The following DOCK8 variants were observed in gnomAD, a reference collection of about 807,000 sequenced individuals.
DOCK8 encodes the protein dedicator of cytokinesis 8.
A neutral mutation model predicts 245.6 loss-of-function variants in DOCK8; 141 were observed. The ratio of observed to expected loss-of-function variants is 0.57; its 90% CI spans 0.50 to 0.66. DOCK8 has a LOEUF of 0.66. Ranked by LOEUF, DOCK8 falls within the 30% of genes least tolerant of loss-of-function variation. The pLI, the probability that DOCK8 is intolerant of heterozygous loss-of-function variation, is 0.00. For missense variants in DOCK8, 2,965 were observed against 2,603.4 expected, an observed-to-expected ratio of 1.14 and a Z score of -3.02; for synonymous variants, 1,168 against 970.2, an observed-to-expected ratio of 1.20 and a Z score of -3.79.
In DOCK8 at chr9:441,406, A is replaced by G. The variant is rs1267531154; in HGVS notation, c.5344A>G (p.Ile1782Val). 3.7e-6 allele frequency: 6 copies of G among 1,614,220 alleles called. No homozygotes were observed. In the South Asian group the frequency reaches 5.5e-5, roughly 15 times the overall value. Residue 1782 changes from isoleucine (I) to valine (V), a missense_variant, in exon 41 of 48, where the codon ATC becomes GTC. By Grantham distance (29) the Ile-to-Val change is conservative. This residue lies in a region of DOCK8 where 2,825 missense variants were observed against 2,453.5 expected (regional missense o/e 1.15). Coordinates refer to ENST00000432829, the MANE Select transcript of DOCK8 (RefSeq NM_203447.4). ...HSKLQRAFDS[I>V]VNKDHKRMFG... ...CAAGCTGCAGAGAGCCTTCGACAGC[A>G]TCGTTAACAAGGTAGCCGGGGAGCC...
intron 45 of DOCK8, among the ~76,000 whole-genome samples, chr9:450,658 C>T (rs1208139222): frequency 6.6e-6 from 1 of 151,952 alleles, no homozygotes; most frequent in Non-Finnish European, 1.5e-5. Flanking sequence ...CACAAAAGTT[C>T]TGAGTGTACT....
intron 1 of DOCK8, among the ~76,000 whole-genome samples, chr9:230,315 G>A (rs1455184354): frequency 6.6e-6 from 1 of 151,922 alleles, no homozygotes; most frequent in African/African-American, 2.4e-5. Context: ...GGGCATTTGG[G>A]TTGGTTCCAA....
chr9:407,070 G>T lies in DOCK8; in HGVS notation c.3530+1G>T. On this transcript the variant is annotated splice_donor_variant, in intron 28 of 47. Coordinates refer to ENST00000432829, the MANE Select transcript of DOCK8 (RefSeq NM_203447.4). LOFTEE classifies it high-confidence loss of function. ...CTGCCCTGGATGCCGAAGGGGAAGG[G>T]TATGTTTCTGGCATTTAAAATGGAA... The T allele has an allele frequency of 6.2e-7, 1 of 1,614,026 alleles. No individual in the cohort carries two copies. The highest frequency in any genetic ancestry group is 2.2e-5 in the East Asian group (1 of 44,888).
intron 2 of DOCK8, among the ~76,000 whole-genome samples, chr9:281,682 A>G (rs2048593697): frequency 6.6e-6 from 1 of 150,556 alleles, no homozygotes; most frequent in Admixed American, 6.6e-5. Flanking sequence ...GCCTCATAGT[A>G]AAGCCTACTC....
chr9:388,534 G>A (rs531137584), intron 23 of DOCK8, among the ~76,000 whole-genome samples: 2 of 151,662 alleles, frequency 1.3e-5, no homozygotes, highest in East Asian at 1.9e-4. Flanking sequence ...GGTTGCATGC[G>A]TACTGGACTC....
intron 1 of DOCK8, among the ~76,000 whole-genome samples, chr9:250,600 T>G (rs763493770): frequency 3.3e-5 from 5 of 152,166 alleles, no homozygotes; most frequent in Non-Finnish European, 1.5e-5. Context: ...CCTTCCACAC[T>G]CAATTCCAAA....
At position 339,020 on chromosome 9, in the gene DOCK8, T is replaced by C; in HGVS notation, c.1437T>C (p.Leu479=). The change falls in exon 13 of 48, where the codon CTT becomes CTC. Residue 479 remains leucine, a synonymous_variant. Transcript: ENST00000432829. ...TCTCTTGGCAGGAAGGAGATCGCCT[T>C]AGCGATGAAGACTTATTCAAGTTTT... The part of the protein sequence containing the change: ...SSFFKQEGDR[L]SDEDLFKFLA... 2.5e-6 allele frequency: 4 copies of C among 1,614,072 alleles called. No individual in the cohort carries two copies. The highest frequency in any genetic ancestry group is 2.5e-6 in the Non-Finnish European group (3 of 1,179,948).
chr9:319,261 T>A (rs1336314116), intron 7 of DOCK8, among the ~76,000 whole-genome samples: 1 of 152,216 alleles, frequency 6.6e-6, no homozygotes, highest in Non-Finnish European at 1.5e-5. Flanking sequence ...CCAGCCTGAG[T>A]GACAGAGTGA....
At chr9:341,149 T>C (rs1289470272) in intron 14 of DOCK8, among the ~76,000 whole-genome samples, 7 of 152,244 alleles carry the variant, frequency 4.6e-5, no homozygotes, top group African/African-American at 7.2e-5. Context: ...ATTTGAAATG[T>C]GGCCAGTGCA....
At chr9:382,776 G>A (rs2053777632) in intron 22 of DOCK8, 91 bp downstream of exon 22, 2 of 1,504,830 alleles carry the variant, frequency 1.3e-6, no homozygotes, top group African/African-American at 1.4e-5. Flanking sequence ...AACCACTACT[G>A]CTGCCCACCA....
chr9:313,054 C>A (rs950387885), intron 6 of DOCK8: 6 of 152,672 alleles, frequency 3.9e-5, no homozygotes. Flanking sequence ...GATACCCCCA[C>A]CCTTCTGGAT....
intron 4 of DOCK8, among the ~76,000 whole-genome samples, chr9:296,401 A>G (rs567783526): frequency 6.6e-6 from 1 of 152,280 alleles, no homozygotes; most frequent in South Asian, 2.1e-4. Flanking sequence ...TACATACTAT[A>G]TTTATTCTTG....
upstream of DOCK8, chr9:214,277 T>C: frequency 1.9e-6 from 1 of 518,004 alleles, no homozygotes; most frequent in East Asian, 3.7e-5. Context: ...CCGCCTTCAG[T>C]GTTTCTCCGG....
intron 14 of DOCK8, among the ~76,000 whole-genome samples, chr9:343,407 G>C (rs1041724836): frequency 1.3e-5 from 2 of 151,896 alleles, no homozygotes; most frequent in African/African-American, 4.8e-5. Context: ...TGAGGCAGAG[G>C]ATTCTTGAGC....
intron 2 of DOCK8, among the ~76,000 whole-genome samples, chr9:274,858 A>T (rs1026094074): frequency 3.3e-5 from 5 of 152,142 alleles, no homozygotes; most frequent in Admixed American, 2.6e-4. Flanking sequence ...GTGCGTTCTG[A>T]CCTTCGTTTC....
chr9:310,533 A>G (rs2050052836), intron 5 of DOCK8, among the ~76,000 whole-genome samples: 1 of 152,204 alleles, frequency 6.6e-6, no homozygotes, highest in Admixed American at 6.5e-5. Context: ...ATCTCGGGTC[A>G]TTACAACCTC....
At chr9:267,787 A>G (rs1346078901) in intron 1 of DOCK8, among the ~76,000 whole-genome samples, 1 of 152,182 alleles carries the variant, frequency 6.6e-6, no homozygotes, top group Non-Finnish European at 1.5e-5. Flanking sequence ...TTATTTGTTC[A>G]GTGTTCTTTC....
In DOCK8 at chr9:290,928, G is replaced by A. The variant is rs117327479; in HGVS notation, c.404+1347G>A. 9.5e-3 allele frequency among the ~76,000 whole-genome samples: 1,452 copies of A among 152,276 alleles called. 20 individuals carry two copies. Among genetic ancestry groups the A allele is most frequent in the Non-Finnish European group, 0.016 (1,077 of 68,012 alleles). Reference sequence around the variant, plus strand: ...TGTCAATATGCACACATTTTCAGCAGCAGAAAAAGAGAAAGCATTCATTAT... The same window carrying A: ...TGTCAATATGCACACATTTTCAGCAACAGAAAAAGAGAAAGCATTCATTAT... On this transcript the variant is annotated intron_variant, in intron 4 of 47. Coordinates refer to ENST00000432829, the MANE Select transcript of DOCK8 (RefSeq NM_203447.4).
chr9:249,750 T>A (rs2047603966), intron 1 of DOCK8, among the ~76,000 whole-genome samples: 1 of 151,666 alleles, frequency 6.6e-6, no homozygotes. Flanking sequence ...GCCAAGTAAC[T>A]GGGATTACAG....
Sources: allele counts gnomAD v4.1 joint callset (sites outside exome capture counted in the v4.1 genomes callset), GRCh38; gene constraint gnomAD v4.1.1; regional missense constraint gnomAD v4.1.1; transcripts MANE v1.5; gene names NCBI Gene and HGNC (gene_info 2026-07-23, HGNC 2026-07-21).